Variants in ATAD5 observed in about 807,000 individuals in gnomAD.
The protein encoded by ATAD5 is ATPase family AAA domain containing 5.
A neutral mutation model predicts 176.9 loss-of-function variants in ATAD5; 58 were observed. That is an observed-to-expected ratio of 0.33 (90% confidence interval 0.27 to 0.41). The LOEUF is 0.41. Ranked by LOEUF, ATAD5 falls within the 10% of genes least tolerant of loss-of-function variation. ATAD5 has a pLI of 1.00. For synonymous variants in ATAD5, 640 were observed against 712.6 expected, an observed-to-expected ratio of 0.90 and a Z score of 1.62; for missense variants, 1,789 against 2,094.1, an observed-to-expected ratio of 0.85 and a Z score of 2.84.
intron 18 of ATAD5, 152 bp downstream of exon 18, chr17:30,879,639 T>C (rs889865912): frequency 3.0e-6 from 2 of 673,708 alleles, no homozygotes; most frequent in East Asian, 7.1e-5. Context: ...CTTGGCTCAC[T>C]GCAAGCTCCG....
chr17:30,894,278 G>C, intron 21 of ATAD5, 128 bp downstream of exon 21: 1 of 863,696 alleles, frequency 1.2e-6, no homozygotes, highest in Non-Finnish European at 1.7e-6. Flanking sequence ...TAATAATGTA[G>C]CTTCTAATGA....
chr17:30,836,596 C>T (rs1905761120), intron 2 of ATAD5, among the ~76,000 whole-genome samples: 1 of 151,858 alleles, frequency 6.6e-6, no homozygotes, highest in South Asian at 2.1e-4. Context: ...GATGGAGTCT[C>T]ACTCACTGTT....
At chr17:30,843,104 C>A (rs1480097060) in intron 4 of ATAD5, among the ~76,000 whole-genome samples, 1 of 151,896 alleles carries the variant, frequency 6.6e-6, no homozygotes, top group African/African-American at 2.4e-5. Context: ...GTAATCCCAG[C>A]ACTTTGGGAG....
Position 30,877,425 on chromosome 17 carries a change from A to T in ATAD5, c.3794A>T (p.Asn1265Ile). The change falls in exon 16 of 23, where the codon AAT (asparagine) becomes ATT (isoleucine). Residue 1265 changes from asparagine to isoleucine, a missense_variant. Coordinates refer to ENST00000321990, the MANE Select transcript of ATAD5 (RefSeq NM_024857.5). ...TATTGTATTTATGCAGGAATAAAAA[A>T]TTCTTTTGAACAGAAACAAATTACT... Reference protein sequence around the residue: ...MLLENNKGIKNSFEQKQITQT... With the variant: ...MLLENNKGIKISFEQKQITQT... 3 of 1,501,882 alleles carry T rather than the reference A, an allele frequency of 2.0e-6. No individual in the cohort carries two copies. The South Asian group carries it at 3.5e-5, about 18-fold the overall frequency. The allele number at this position is 1,501,882 out of a possible 1,614,324, so 93.0% of individuals were successfully genotyped here. A position where few individuals can be genotyped will look rare whatever the true frequency, so the allele number is the denominator to read the frequency against.
At chr17:30,876,139 AAAAATAAAAT>A (rs574523433) in intron 14 of ATAD5, among the ~76,000 whole-genome samples, 232 of 152,276 alleles carry the variant, frequency 1.5e-3, no homozygotes, top group Non-Finnish European at 2.0e-3. Context: ...CCTGTCTCAA[AAAAATAAAAT>A]AAAATAAAAT....
Position 30,869,288 on chromosome 17 carries a change from TGAAGAA to T in ATAD5, c.3357_3362del (p.Glu1120_Glu1121del), listed in dbSNP as rs747862807. 2.5e-6 allele frequency: 4 copies of T among 1,613,614 alleles called. No homozygotes were observed. The highest frequency in any genetic ancestry group is 3.4e-6 in the Non-Finnish European group (4 of 1,179,932). The stretch of plus-strand genomic sequence containing the variant: ...TAGACTTTAAAGGCAGTTCAGATGA[TGAAGAA>T]GAGAGTCGTCTTTGCAATACTGTCC... On this transcript the variant is annotated inframe_deletion, in exon 13 of 23. Coordinates refer to ENST00000321990, the MANE Select transcript of ATAD5 (RefSeq NM_024857.5).
intron 3 of ATAD5, among the ~76,000 whole-genome samples, chr17:30,839,823 G>C (rs578055915): frequency 1.3e-5 from 2 of 151,654 alleles, no homozygotes; most frequent in African/African-American, 4.8e-5. Context: ...GACTTCAGGT[G>C]ATCCACCCAC....
intron 18 of ATAD5, among the ~76,000 whole-genome samples, chr17:30,880,943 T>G (rs767092516): frequency 1.8e-4 from 28 of 152,088 alleles, no homozygotes; most frequent in Non-Finnish European, 3.8e-4. Flanking sequence ...CCTAAAGTTC[T>G]CATGGACCCT....
At chr17:30,872,149 C>T (rs1908371931) in intron 14 of ATAD5, among the ~76,000 whole-genome samples, 2 of 152,096 alleles carry the variant, frequency 1.3e-5, no homozygotes, top group Admixed American at 1.3e-4. Flanking sequence ...TCCTGGCCTC[C>T]AGCAGTCTTC....
intron 15 of ATAD5, 70 bp from the exon 16 acceptor site, chr17:30,877,346 T>C (rs1429402297): frequency 4.6e-6 from 5 of 1,083,202 alleles, no homozygotes; most frequent in Non-Finnish European, 6.7e-6. Context: ...TTTGAGCTTA[T>C]TCTGTGGACA....
In ATAD5 at chr17:30,894,900, C is replaced by T; in HGVS notation, c.5522C>T (p.Ala1841Val). ...IPKETVNTLAADFP is the reference protein window; with the variant it reads ...IPKETVNTLAVDFP Reference sequence around the variant, plus strand: ...AAAGAGACTGTGAATACTTTGGCAGCTGACTTCCCTTAATGTTCCATACTA... The same window carrying T: ...AAAGAGACTGTGAATACTTTGGCAGTTGACTTCCCTTAATGTTCCATACTA... Residue 1841 changes from alanine to valine, a missense_variant, in exon 23 of 23, where the codon GCT becomes GTT. This residue lies in a region of ATAD5 where 403 missense variants were observed against 495.1 expected (regional missense o/e 0.81). Transcript: ENST00000321990. 6.3e-7 allele frequency: 1 copy of T among 1,597,268 alleles called. No homozygotes were observed. The highest frequency in any genetic ancestry group is 1.8e-5 in the Admixed American group (1 of 55,780).
chr17:30,879,896 C>T (rs1192843284), intron 18 of ATAD5, among the ~76,000 whole-genome samples: 1 of 151,614 alleles, frequency 6.6e-6, no homozygotes, highest in Admixed American at 6.6e-5. Context: ...TGTGGTATCA[C>T]GCCTGTACTC....
In ATAD5 at chr17:30,840,779, G is replaced by A. The variant is rs781375998; in HGVS notation, c.2239G>A (p.Glu747Lys). The change falls in exon 4 of 23, where the codon GAA becomes AAA. Residue 747 changes from glutamate (E) to lysine (K), a missense_variant and splice_region_variant. Glu to Lys is a moderately conservative substitution (Grantham distance 56). This residue lies in a region of ATAD5 where 487 missense variants were observed against 573.6 expected (regional missense o/e 0.85). Transcript: ENST00000321990. ...LPERKKLSET[E>K]DSVIIIDSSP... is the part of the protein sequence containing the mutation. ...TGAAAGGAAGAAATTGTCAGAAACA[G>A]AAGTAAGTATTATAAATATCTGTTG... is the stretch of plus-strand genomic sequence containing the variant. The A allele has an allele frequency of 6.3e-7, 1 of 1,595,554 alleles. No homozygotes were observed. The highest frequency in any genetic ancestry group is 1.4e-5 in the African/African-American group (1 of 73,804).
intron 14 of ATAD5, among the ~76,000 whole-genome samples, chr17:30,872,557 T>C (rs554720637): frequency 7.9e-6 from 1 of 127,080 alleles, no homozygotes; most frequent in Admixed American, 7.9e-5. Flanking sequence ...CTTTTTTCTT[T>C]TTTTTTTTCT....
intron 16 of ATAD5, among the ~76,000 whole-genome samples, chr17:30,877,759 A>T (rs545511738): frequency 3.3e-5 from 5 of 152,302 alleles, no homozygotes; most frequent in African/African-American, 1.2e-4. Context: ...ATTATTGTTA[A>T]ATGATTGTAT....
At position 30,859,718 on chromosome 17, in the gene ATAD5, T is replaced by TGGTGTTTTCATGGCTCCCTGCAGCCTCGA. The variant is rs1555556118; in HGVS notation, c.2957-715_2957-714insGGTGTTTTCATGGCTCCCTGCAGCCTCGA. Reference sequence around the variant, plus strand: ...CTTTGTTGCCCAGGCTAGAATACAGTTTGTTTGTTTGTTTATTTATTTTTA... The same window carrying TGGTGTTTTCATGGCTCCCTGCAGCCTCGA: ...CTTTGTTGCCCAGGCTAGAATACAGTGGTGTTTTCATGGCTCCCTGCAGCCTCGATTGTTTGTTTGTTTATTTATTTTTA... On this transcript the variant is annotated intron_variant, in intron 9 of 22. Transcript: ENST00000321990. Among the ~76,000 whole-genome samples, 116 of 143,378 alleles carry TGGTGTTTTCATGGCTCCCTGCAGCCTCGA rather than the reference T, an allele frequency of 8.1e-4. 3 individuals are homozygous for TGGTGTTTTCATGGCTCCCTGCAGCCTCGA. Among genetic ancestry groups the TGGTGTTTTCATGGCTCCCTGCAGCCTCGA allele is most frequent in the South Asian group, 2.5e-3 (10 of 4,070 alleles). The allele number at this position is 143,378 out of a possible 152,430, so 94.1% of individuals were successfully genotyped here.
rs1253543563 is a variant in ATAD5, at chr17:30,887,054, G to A, written c.4078-138G>A. On this transcript the variant is annotated intron_variant, in intron 18 of 22. Transcript: ENST00000321990. ...TATATTCCCTTATATTTTTAAAGCA[G>A]TTTCATCCTCAAGAAGAGCATTTAA... The A allele has an allele frequency of 9.7e-6, 6 of 618,162 alleles. No homozygotes were observed. The East Asian group carries it at 2.0e-4, about 20-fold the overall frequency. 38.3% of individuals were successfully genotyped at this position (618,162 alleles called of 1,614,324 possible).
chr17:30,833,962 G>A (rs1025115049), intron 1 of ATAD5, among the ~76,000 whole-genome samples, 186 bp from the exon 2 acceptor site: 85 of 152,146 alleles, frequency 5.6e-4, no homozygotes, highest in African/African-American at 2.0e-3. Context: ...GATTACAGGC[G>A]TGAGCCACCG....
At chr17:30,874,333 G>A (rs1294418825) in intron 14 of ATAD5, among the ~76,000 whole-genome samples, 1 of 151,558 alleles carries the variant, frequency 6.6e-6, no homozygotes, top group Admixed American at 6.6e-5. Context: ...ACGAGGTCAG[G>A]AGATTGAGAC....
Sources: gnomAD v4.1 joint callset for allele counts (sites outside exome capture counted in the v4.1 genomes callset) on GRCh38, gnomAD v4.1.1 for gene constraint, gnomAD v4.1.1 regional missense constraint, MANE v1.5 for transcripts, NCBI Gene and HGNC (gene_info 2026-07-23, HGNC 2026-07-21) for gene names.